The following DPYD variants were observed in gnomAD, a reference collection of about 807,000 sequenced individuals.
The protein encoded by DPYD is dihydropyrimidine dehydrogenase [NADP(+)].
Under a neutral mutation model 116.2 loss-of-function variants are expected in DPYD, and 109 were observed. That is an observed-to-expected ratio of 0.94 (90% CI 0.80 to 1.10). The LOEUF is 1.10. Among genes scored for constraint, DPYD ranks in the 50% least tolerant of loss-of-function variants. The pLI is 0.00. For synonymous variants in DPYD, 440 were observed against 432.0 expected, an observed-to-expected ratio of 1.02 and a Z score of -0.23; for missense variants, 1,302 against 1,254.5, an observed-to-expected ratio of 1.04 and a Z score of -0.57.
At position 97,581,745 on chromosome 1, in the gene DPYD, C is replaced by CAAA. The variant is rs1226325704; in HGVS notation, c.1129-7778_1129-7776dup. ...TTGGTGACACAGCAAGATCCTGTCT[C>CAAA]AAAAAAAAAAAAAAAAAAAAAAGAA... is the stretch of plus-strand genomic sequence containing the variant. On this transcript the variant is annotated intron_variant, in intron 10 of 22. Transcript: ENST00000370192. Among the ~76,000 whole-genome samples, 401 of 63,462 alleles carry CAAA rather than the reference C, an allele frequency of 6.3e-3. 4 individuals are homozygous for CAAA. Among genetic ancestry groups the CAAA allele is most frequent in the African/African-American group, 0.021 (357 of 17,356 alleles). The allele number at this position is 63,462 out of a possible 152,430, so 41.6% of individuals were successfully genotyped here. A position where few individuals can be genotyped will look rare whatever the true frequency, so the allele number is the denominator to read the frequency against.
At chr1:97,203,171 CAAT>C (rs1308847573) in intron 19 of DPYD, among the ~76,000 whole-genome samples, 6 of 152,064 alleles carry the variant, frequency 3.9e-5, no homozygotes, top group Non-Finnish European at 7.4e-5. Context: ...CAGCAATTTT[CAAT>C]TACTCTGCAG....
At chr1:97,196,967 A>C (rs1658861214) in intron 19 of DPYD, among the ~76,000 whole-genome samples, 1 of 152,232 alleles carries the variant, frequency 6.6e-6, no homozygotes, top group African/African-American at 2.4e-5. Flanking sequence ...CAATGTTTTC[A>C]ATTTACCTTC....
intron 18 of DPYD, among the ~76,000 whole-genome samples, chr1:97,259,625 G>A (rs1032918431): frequency 6.6e-6 from 1 of 152,218 alleles, no homozygotes; most frequent in East Asian, 1.9e-4. Flanking sequence ...CAAAGTCAGT[G>A]TATAAGGTCA....
intron 3 of DPYD, among the ~76,000 whole-genome samples, chr1:97,784,021 A>C (rs1224383885): frequency 6.6e-6 from 1 of 152,204 alleles, no homozygotes; most frequent in Non-Finnish European, 1.5e-5. Context: ...TGGCAGTATT[A>C]TCCTCTCACT....
intron 5 of DPYD, among the ~76,000 whole-genome samples, chr1:97,715,510 A>G (rs936749425): frequency 1.3e-5 from 2 of 152,106 alleles, no homozygotes; most frequent in Non-Finnish European, 2.9e-5. Flanking sequence ...TGCCCAATCA[A>G]TGTTAGTTTG....
chr1:97,231,154 A>C (rs994391258), intron 19 of DPYD, among the ~76,000 whole-genome samples: 2 of 152,210 alleles, frequency 1.3e-5, no homozygotes, highest in African/African-American at 4.8e-5. Flanking sequence ...TCTTCATAGA[A>C]ACTTGACTCT....
chr1:97,736,848 A>G (rs1249459439), intron 4 of DPYD, among the ~76,000 whole-genome samples: 1 of 93,416 alleles, frequency 1.1e-5, no homozygotes, highest in African/African-American at 4.9e-5. Context: ...GTGTGTGTGC[A>G]TTTGTGTGTG....
At chr1:97,280,417 T>A (rs1665244971) in intron 18 of DPYD, among the ~76,000 whole-genome samples, 1 of 152,002 alleles carries the variant, frequency 6.6e-6, no homozygotes, top group Non-Finnish European at 1.5e-5. Flanking sequence ...GAAAATGATA[T>A]CAATATGCTG....
chr1:97,317,726 C>T (rs184652283), intron 16 of DPYD, among the ~76,000 whole-genome samples: 2 of 151,856 alleles, frequency 1.3e-5, no homozygotes, highest in Non-Finnish European at 2.9e-5. Context: ...CACCATTCTG[C>T]CCTGGAGCAC....
intron 11 of DPYD, among the ~76,000 whole-genome samples, chr1:97,555,159 T>C (rs537125507): frequency 3.3e-5 from 5 of 152,226 alleles, no homozygotes; most frequent in Non-Finnish European, 7.4e-5. Context: ...GCATTAATTT[T>C]GATCTTTTTT....
At chr1:97,308,094 T>C (rs1404322012) in intron 16 of DPYD, among the ~76,000 whole-genome samples, 4 of 151,854 alleles carry the variant, frequency 2.6e-5, no homozygotes, top group Non-Finnish European at 5.9e-5. Flanking sequence ...TGGCTTTCAA[T>C]ACTATTGACC....
chr1:97,225,846 A>G (rs911105525), intron 19 of DPYD, among the ~76,000 whole-genome samples: 1 of 152,042 alleles, frequency 6.6e-6, no homozygotes, highest in East Asian at 1.9e-4. Flanking sequence ...TTATGATTTC[A>G]GGTCTTATGT....
At chr1:97,347,018 T>C (rs567545810) in intron 16 of DPYD, among the ~76,000 whole-genome samples, 3 of 151,042 alleles carry the variant, frequency 2.0e-5, no homozygotes, top group South Asian at 2.1e-4. Flanking sequence ...GTGGATTCTT[T>C]TGGATATTTT....
intron 18 of DPYD, among the ~76,000 whole-genome samples, chr1:97,262,204 T>A (rs746785460): frequency 3.7e-4 from 56 of 152,044 alleles, no homozygotes; most frequent in Non-Finnish European, 6.8e-4. Flanking sequence ...CTACTTTGAC[T>A]GTAGGTATAT....
At chr1:97,414,777 C>T (rs981483217) in intron 14 of DPYD, among the ~76,000 whole-genome samples, 3 of 152,302 alleles carry the variant, frequency 2.0e-5, no homozygotes, top group Non-Finnish European at 2.9e-5. Context: ...TCTTACTAGG[C>T]GTCCTAGCAG....
At chr1:97,792,992 C>T (rs930599528) in intron 3 of DPYD, among the ~76,000 whole-genome samples, 4 of 151,992 alleles carry the variant, frequency 2.6e-5, no homozygotes, top group African/African-American at 7.3e-5. Flanking sequence ...TGAGGAAATA[C>T]GAATAAAGTA....
intron 3 of DPYD, among the ~76,000 whole-genome samples, chr1:97,773,459 G>A (rs75825526): frequency 9.2e-4 from 140 of 152,276 alleles, no homozygotes; most frequent in African/African-American, 3.2e-3. Context: ...TGTGGCCCAC[G>A]GACCTAAGTG....
chr1:97,629,905 A>G (rs1472003904), intron 8 of DPYD, among the ~76,000 whole-genome samples: 1 of 152,048 alleles, frequency 6.6e-6, no homozygotes, highest in African/African-American at 2.4e-5. Flanking sequence ...CCACTAACCT[A>G]TTACCCATTT....
chr1:97,831,921 G>C (rs754475674), intron 2 of DPYD, among the ~76,000 whole-genome samples: 5 of 151,960 alleles, frequency 3.3e-5, no homozygotes, highest in East Asian at 3.9e-4. Context: ...ATTTAATGCC[G>C]ACCAGACATG....
Sources: gnomAD v4.1 joint callset for allele counts (sites outside exome capture counted in the v4.1 genomes callset) on GRCh38, gnomAD v4.1.1 for gene constraint, MANE v1.5 for transcripts, NCBI Gene and HGNC (gene_info 2026-07-23, HGNC 2026-07-21) for gene names.